SYT1: variants seen among roughly 807,000 people sequenced by gnomAD.
SYT1 encodes the protein synaptotagmin 1.
Under a neutral mutation model 44.8 loss-of-function variants are expected in SYT1, and 8 were observed. The ratio of observed to expected loss-of-function variants is 0.18; its 90% CI spans 0.10 to 0.32. SYT1 has a LOEUF of 0.32. Among genes scored for constraint, SYT1 ranks in the 10% least tolerant of loss-of-function variants. SYT1 has a pLI of 1.00. For synonymous variants in SYT1, 154 were observed against 188.8 expected (o/e 0.82, Z 1.51); for missense variants, 286 against 509.3 (o/e 0.56, Z 4.22).
At chr12:79,093,875 G>T (rs1328220438) in intron 3 of SYT1, among the ~76,000 whole-genome samples, 1 of 151,438 alleles carries the variant, frequency 6.6e-6, no homozygotes, top group African/African-American at 2.4e-5. Context: ...TTATTTTCCA[G>T]TGAAAATCTA....
At position 79,045,626 on chromosome 12, in the gene SYT1, C is replaced by G. The variant is rs535252010; in HGVS notation, c.-83-1671C>G. ...AGCTGTAGACAGCACTGTTCCTATT[C>G]GGCCATCTTGGCTCCTCCCTGATTC... On this transcript the variant is annotated intron_variant, in intron 2 of 10. Coordinates refer to ENST00000261205, the MANE Select transcript of SYT1 (RefSeq NM_005639.3). The G allele has an allele frequency of 3.9e-5, 6 of 152,752 alleles. No individual in the cohort carries two copies. The East Asian group carries it at 1.2e-3, about 29-fold the overall frequency. The allele number at this position is 152,752 out of a possible 1,614,324, so 9.5% of individuals were successfully genotyped here.
chr12:79,243,064 T>C (rs1876607329), intron 4 of SYT1, among the ~76,000 whole-genome samples: 1 of 152,096 alleles, frequency 6.6e-6, no homozygotes, highest in African/African-American at 2.4e-5. Flanking sequence ...GAACTGCCCT[T>C]TATAAAACCA....
At chr12:79,180,063 G>T (rs1164697500) in intron 3 of SYT1, among the ~76,000 whole-genome samples, 2 of 151,922 alleles carry the variant, frequency 1.3e-5, no homozygotes, top group African/African-American at 2.4e-5. Context: ...TATCTTCAGG[G>T]TGAATTTCTA....
At chr12:79,399,461 T>C (rs12426723) in intron 9 of SYT1, among the ~76,000 whole-genome samples, 22,650 of 152,050 alleles carry the variant, frequency 0.15, 2,042 homozygotes, top group Middle Eastern at 0.34. Flanking sequence ...TTCAAATATA[T>C]TTCCAAAAAT....
chr12:79,343,253 G>A (rs1466115129), intron 8 of SYT1, among the ~76,000 whole-genome samples: 1 of 152,080 alleles, frequency 6.6e-6, no homozygotes, highest in Admixed American at 6.6e-5. Context: ...GAAAAAATGG[G>A]GACAGTGATT....
rs1874388674 is a variant in SYT1, at chr12:78,880,403, TTTC to T, written c.-217+15300_-217+15302del. On this transcript the variant is annotated intron_variant, in intron 1 of 10. Coordinates refer to ENST00000261205, the MANE Select transcript of SYT1 (RefSeq NM_005639.3). Reference sequence around the variant, plus strand: ...TATCTCCTCCCACTTCCCTAACATCTTTCTTCTTATCACTTATCACTCTTTGAA... The same window carrying T: ...TATCTCCTCCCACTTCCCTAACATCTTTCTTATCACTTATCACTCTTTGAA... 2.6e-5 allele frequency among the ~76,000 whole-genome samples: 4 copies of T among 151,664 alleles called. No individual in the cohort carries two copies. In the South Asian group the frequency reaches 6.2e-4, roughly 24 times the overall value.
intron 9 of SYT1, among the ~76,000 whole-genome samples, chr12:79,394,641 T>C (rs1489595395): frequency 6.6e-6 from 1 of 152,208 alleles, no homozygotes; most frequent in Non-Finnish European, 1.5e-5. Context: ...ACTTTTAAGA[T>C]AGGAATTGAT....
chr12:79,157,212 C>T (rs1012946166), intron 3 of SYT1, among the ~76,000 whole-genome samples: 1 of 152,186 alleles, frequency 6.6e-6, no homozygotes, highest in Non-Finnish European at 1.5e-5. Context: ...GAACTGCTTG[C>T]CGTTTATTGC....
chr12:78,877,535 A>G (rs1802320658), intron 1 of SYT1, among the ~76,000 whole-genome samples: 1 of 151,788 alleles, frequency 6.6e-6, no homozygotes, highest in South Asian at 2.1e-4. Context: ...TACACACACT[A>G]TTAGCAAAAG....
chr12:79,044,625 G>C (rs1873860413), intron 2 of SYT1, among the ~76,000 whole-genome samples: 2 of 149,122 alleles, frequency 1.3e-5, no homozygotes, highest in South Asian at 4.4e-4. Context: ...TCTTCTCTCA[G>C]CTCGTCAAAG....
intron 1 of SYT1, among the ~76,000 whole-genome samples, chr12:78,886,181 A>C (rs1874738945): frequency 6.6e-6 from 1 of 151,950 alleles, no homozygotes; most frequent in Non-Finnish European, 1.5e-5. Flanking sequence ...AAAATAGCAG[A>C]AAAATATCTT....
intron 1 of SYT1, among the ~76,000 whole-genome samples, chr12:78,931,228 AAAGAAAGAAAGAAGGAAGGAAGG>A (rs1565723390): frequency 9.3e-5 from 6 of 64,212 alleles, no homozygotes; most frequent in South Asian, 6.5e-4. Flanking sequence ...AGAAAGAAAG[AAAGAAAGAAAGAAGGAAGGAAGG>A]AAGGAAGGAA....
chr12:79,215,043 T>G (rs71463810), intron 3 of SYT1, among the ~76,000 whole-genome samples: 22,007 of 151,922 alleles, frequency 0.14, 2,044 homozygotes, highest in Middle Eastern at 0.28. Flanking sequence ...TATCAACAGT[T>G]TTACCCAAGT....
At chr12:79,265,260 G>C (rs6539344) in intron 4 of SYT1, among the ~76,000 whole-genome samples, 1 of 151,884 alleles carries the variant, frequency 6.6e-6, no homozygotes, top group Non-Finnish European at 1.5e-5. Context: ...ATTTTATACA[G>C]AGGAAAACTG....
chr12:79,199,329 A>G (rs1329404855), intron 3 of SYT1, among the ~76,000 whole-genome samples: 1 of 152,154 alleles, frequency 6.6e-6, no homozygotes, highest in Non-Finnish European at 1.5e-5. Context: ...ACCATGAATA[A>G]CAGCATGATT....
At chr12:78,987,848 T>C (rs1869757098) in intron 2 of SYT1, among the ~76,000 whole-genome samples, 2 of 152,042 alleles carry the variant, frequency 1.3e-5, no homozygotes, top group African/African-American at 4.8e-5. Flanking sequence ...CAGAATTACA[T>C]GAATATCAAA....
At chr12:79,281,111 A>C (rs1467682426) in intron 4 of SYT1, among the ~76,000 whole-genome samples, 1 of 152,118 alleles carries the variant, frequency 6.6e-6, no homozygotes, top group Non-Finnish European at 1.5e-5. Flanking sequence ...AAAGAACTAA[A>C]AACAGTTCTA....
intron 3 of SYT1, among the ~76,000 whole-genome samples, chr12:79,053,362 T>G (rs906530665): frequency 1.3e-4 from 19 of 151,150 alleles, no homozygotes; most frequent in African/African-American, 4.1e-4. Flanking sequence ...TGTTGTGGGG[T>G]GGGGGGAGCA....
chr12:79,161,817 A>G (rs892970683), intron 3 of SYT1, among the ~76,000 whole-genome samples: 4 of 152,060 alleles, frequency 2.6e-5, no homozygotes, highest in South Asian at 2.1e-4. Context: ...TAATTTTTAT[A>G]CATTGCTCTT....
Sources: allele counts gnomAD v4.1 joint callset (sites outside exome capture counted in the v4.1 genomes callset), GRCh38; gene constraint gnomAD v4.1.1; transcripts MANE v1.5; gene names NCBI Gene and HGNC (gene_info 2026-07-23, HGNC 2026-07-21).